The following RFX7 variants were observed in gnomAD, a reference collection of about 807,000 sequenced individuals.
The protein encoded by RFX7 is regulatory factor X7.
RFX7 carries 26 observed loss-of-function variants against 111.8 expected under a neutral mutation model. The observed-to-expected ratio is 0.23, with a 90% CI of 0.17 to 0.32. The LOEUF (loss-of-function observed/expected upper bound fraction) is 0.32, where lower values mean the gene tolerates loss of function less well. Ranked by LOEUF, RFX7 falls within the 10% of genes least tolerant of loss-of-function variation. The probability of loss-of-function intolerance (pLI) is 1.00; values close to 1 mark genes in which losing one functional copy is unlikely to be tolerated. For synonymous variants in RFX7, 624 were observed against 624.4 expected (o/e 1.00, Z 0.01); for missense variants, 1,573 against 1,772.9 (o/e 0.89, Z 2.02).
At chr15:56,216,005 A>G (rs1207076149) in intron 2 of RFX7, among the ~76,000 whole-genome samples, 1 of 152,120 alleles carries the variant, frequency 6.6e-6, no homozygotes, top group African/African-American at 2.4e-5. Flanking sequence ...AAACAATTCA[A>G]GAGAGTGAAA....
At chr15:56,199,556 G>A (rs1382102039) in intron 2 of RFX7, among the ~76,000 whole-genome samples, 1 of 152,092 alleles carries the variant, frequency 6.6e-6, no homozygotes, top group Non-Finnish European at 1.5e-5. Flanking sequence ...AATATTAAAA[G>A]CTCAAAGAGT....
At position 56,096,564 on chromosome 15, in the gene RFX7, G is replaced by A. The variant is rs2041681160; in HGVS notation, c.1164C>T (p.Gly388=). 2 of 1,598,802 alleles carry A rather than the reference G, an allele frequency of 1.3e-6. No individual in the cohort carries two copies. Among genetic ancestry groups the A allele is most frequent in the African/African-American group, 2.7e-5 (2 of 74,718 alleles). Residue 388 remains glycine, a synonymous_variant, in exon 10 of 10, where the codon GGC becomes GGT. Coordinates refer to ENST00000559447, the MANE Select transcript of RFX7 (RefSeq NM_022841.7). ...CCTGTACATTGAGGGGAAGAACTTTGCCGTCAGAAGAACTCATTGGACTCG... is the reference window on the plus strand; with the variant it reads ...CCTGTACATTGAGGGGAAGAACTTTACCGTCAGAAGAACTCATTGGACTCG... ...TSPSPMSSSD[G]KVLPLNVQVV...
At chr15:56,120,139 T>C (rs2042057964) in intron 5 of RFX7, among the ~76,000 whole-genome samples, 1 of 152,206 alleles carries the variant, frequency 6.6e-6, no homozygotes, top group Admixed American at 6.5e-5. Context: ...TCCATGAACA[T>C]GGAACGCCTT....
intron 3 of RFX7, 73 bp downstream of exon 3, chr15:56,179,197 T>A (rs2141130421): frequency 1.4e-6 from 1 of 708,384 alleles, no homozygotes; most frequent in Middle Eastern, 3.1e-4. Context: ...AATATTTACT[T>A]GAAAACTGTA....
At chr15:56,161,389 T>G (rs182290395) in intron 3 of RFX7, among the ~76,000 whole-genome samples, 2 of 152,092 alleles carry the variant, frequency 1.3e-5, no homozygotes, top group Non-Finnish European at 2.9e-5. Context: ...AAGATAGACA[T>G]GTAAGATATT....
At chr15:56,168,950 C>T (rs747115101) in intron 3 of RFX7, among the ~76,000 whole-genome samples, 1 of 152,184 alleles carries the variant, frequency 6.6e-6, no homozygotes, top group African/African-American at 2.4e-5. Flanking sequence ...GAATGCCTAA[C>T]TTTGGACTCT....
intron 2 of RFX7, among the ~76,000 whole-genome samples, chr15:56,213,343 A>G (rs2043331277): frequency 6.6e-6 from 1 of 152,238 alleles, no homozygotes; most frequent in South Asian, 2.1e-4. Flanking sequence ...ATCATGAAGT[A>G]CTATTCCATA....
intron 2 of RFX7, among the ~76,000 whole-genome samples, chr15:56,180,411 C>T (rs149237379): frequency 2.0e-5 from 3 of 152,206 alleles, no homozygotes; most frequent in Admixed American, 6.5e-5. Flanking sequence ...ATCCCCTTCC[C>T]ACAGTCCTAC....
intron 2 of RFX7, among the ~76,000 whole-genome samples, chr15:56,238,462 A>C (rs554107706): frequency 6.6e-6 from 1 of 152,308 alleles, no homozygotes; most frequent in South Asian, 2.1e-4. Context: ...TACAGGATTG[A>C]ATAAAGATAA....
At position 56,091,824 on chromosome 15, in the gene RFX7, A is replaced by G. The variant is rs1194898419; in HGVS notation, c.*1521T>C. On this transcript the variant is annotated 3_prime_UTR_variant, in exon 10 of 10. Transcript: ENST00000559447. ...AATATGTTAATACCCTACCTTGCAA[A>G]TTTATTGAACAACAAAACCTTATTA... 1.3e-5 allele frequency: 2 copies of G among 152,532 alleles called. No homozygotes were observed. The highest frequency in any genetic ancestry group is 2.9e-5 in the Non-Finnish European group (2 of 67,962). The allele number at this position is 152,532 out of a possible 1,614,324, so 9.4% of individuals were successfully genotyped here.
chr15:56,156,480 T>A (rs2042654370), intron 3 of RFX7, among the ~76,000 whole-genome samples: 2 of 152,098 alleles, frequency 1.3e-5, no homozygotes, highest in African/African-American at 4.8e-5. Context: ...TCTCTACTGA[T>A]AGACAATATG....
chr15:56,110,215 G>A (rs1387546787), intron 5 of RFX7, among the ~76,000 whole-genome samples: 2 of 123,844 alleles, frequency 1.6e-5, no homozygotes, highest in African/African-American at 5.8e-5. Context: ...CGCCCCTACT[G>A]GGAAGTGAGG....
chr15:56,097,030 A>G (rs192023197), intron 9 of RFX7, among the ~76,000 whole-genome samples: 189 of 152,322 alleles, frequency 1.2e-3, no homozygotes, highest in Non-Finnish European at 1.9e-3. Flanking sequence ...AAATGTGTCT[A>G]CCTTAAATGT....
intron 5 of RFX7, among the ~76,000 whole-genome samples, chr15:56,107,210 T>C (rs1392427672): frequency 3.0e-5 from 4 of 132,568 alleles, no homozygotes; most frequent in South Asian, 2.5e-4. Flanking sequence ...GGCAGGAGAA[T>C]GGCGTGAACC....
At chr15:56,096,674 A>C (rs2041683489) in intron 9 of RFX7, 54 bp from the exon 10 acceptor site, 1 of 1,473,016 alleles carries the variant, frequency 6.8e-7, no homozygotes, top group Non-Finnish European at 9.1e-7. Context: ...GTAAATAGTA[A>C]TTCATGTATC....
intron 2 of RFX7, among the ~76,000 whole-genome samples, chr15:56,204,396 C>T (rs139637899): frequency 1.3e-5 from 2 of 152,148 alleles, no homozygotes; most frequent in African/African-American, 4.8e-5. Flanking sequence ...TACATCATTT[C>T]CCAAACTAAT....
chr15:56,121,092 C>T (rs143519924), intron 5 of RFX7, among the ~76,000 whole-genome samples: 1 of 152,204 alleles, frequency 6.6e-6, no homozygotes, highest in Non-Finnish European at 1.5e-5. Context: ...GAGTTTTGTA[C>T]CTTCAGATGA....
chr15:56,151,550 C>G (rs1235644157), intron 3 of RFX7, among the ~76,000 whole-genome samples: 1 of 152,144 alleles, frequency 6.6e-6, no homozygotes, highest in Admixed American at 6.5e-5. Flanking sequence ...ACAAGAGGTC[C>G]TGAAAGAAGC....
At chr15:56,196,432 G>T (rs1405723512) in intron 2 of RFX7, among the ~76,000 whole-genome samples, 1 of 151,896 alleles carries the variant, frequency 6.6e-6, no homozygotes, top group Admixed American at 6.6e-5. Context: ...AAGTTCTGCG[G>T]CATGTATCAC....
Sources: allele counts gnomAD v4.1 joint callset (sites outside exome capture counted in the v4.1 genomes callset), GRCh38; gene constraint gnomAD v4.1.1; transcripts MANE v1.5; gene names NCBI Gene and HGNC (gene_info 2026-07-23, HGNC 2026-07-21).